The following DAZL variants were observed in gnomAD, a reference collection of about 807,000 sequenced individuals.
DAZL encodes deleted in azoospermia-like.
DAZL carries 4 observed loss-of-function variants against 45.0 expected under a neutral mutation model. The ratio of observed to expected loss-of-function variants is 0.09; its 90% CI spans 0.04 to 0.20. The LOEUF (loss-of-function observed/expected upper bound fraction) is 0.20. DAZL is among the 10% of genes least tolerant of loss of function. The probability of loss-of-function intolerance (pLI) is 1.00; values close to 1 mark genes in which losing one functional copy is unlikely to be tolerated. For synonymous variants in DAZL, 122 were observed against 112.4 expected (o/e 1.09, Z -0.54); for missense variants, 326 against 351.3 (o/e 0.93, Z 0.58).
chr3:16,597,428 A>G (rs1694617541), intron 4 of DAZL, 62 bp downstream of exon 4: 1 of 1,070,806 alleles, frequency 9.3e-7, no homozygotes. Context: ...GACTGAGTAT[A>G]TCACTTGACA....
intron 1 of DAZL, among the ~76,000 whole-genome samples, chr3:16,602,725 C>T (rs1331982847): frequency 6.6e-6 from 1 of 152,130 alleles, no homozygotes; most frequent in Non-Finnish European, 1.5e-5. Flanking sequence ...TGACAAAATA[C>T]AGCATTCATT....
At chr3:16,600,065 T>C (rs1185268377) in intron 1 of DAZL, among the ~76,000 whole-genome samples, 1 of 152,196 alleles carries the variant, frequency 6.6e-6, no homozygotes, top group Non-Finnish European at 1.5e-5. Flanking sequence ...TACTTTTAAT[T>C]AAGAACGAAT....
intron 1 of DAZL, 147 bp from the exon 2 acceptor site, chr3:16,598,745 T>C (rs1019417201): frequency 4.0e-6 from 4 of 1,007,526 alleles, no homozygotes; most frequent in African/African-American, 3.4e-5. Context: ...TTTAAACTTA[T>C]CAGAGTAGAT....
At chr3:16,590,692 A>G (rs1389468233) in intron 10 of DAZL, among the ~76,000 whole-genome samples, 1 of 152,232 alleles carries the variant, frequency 6.6e-6, no homozygotes, top group Non-Finnish European at 1.5e-5. Flanking sequence ...AAAAGAAATG[A>G]AGTTCTGATA....
chr3:16,595,864 T>C (rs1187549578), intron 6 of DAZL, among the ~76,000 whole-genome samples: 12 of 151,966 alleles, frequency 7.9e-5, no homozygotes, highest in Admixed American at 7.2e-4. Flanking sequence ...CTGTATATAA[T>C]CCAAAACTGG....
In DAZL at chr3:16,592,074, A is replaced by G. The variant is rs1232282479; in HGVS notation, c.810T>C (p.Val270=). The change falls in exon 10 of 11, where the codon GTT becomes GTC. Residue 270 remains valine (V), a synonymous_variant. Coordinates refer to ENST00000399444, the MANE Select transcript of DAZL (RefSeq NM_001351.4). ...CCTTGAAGTAGTCATCTTGAGTAAC[A>G]ACAGAGTTTCTCAGTCTGTTCTCTG... ...FNPENRLRNS[V]VTQDDYFKDK... 6.2e-7 allele frequency: 1 copy of G among 1,613,694 alleles called. No homozygotes were observed. The highest frequency in any genetic ancestry group is 8.5e-7 in the Non-Finnish European group (1 of 1,179,694).
chr3:16,597,858 GTTCT>G (rs2125046741), intron 3 of DAZL, among the ~76,000 whole-genome samples: 2 of 152,214 alleles, frequency 1.3e-5, no homozygotes, highest in East Asian at 1.9e-4. Context: ...GAAGAAAACA[GTTCT>G]TTGAGAAAAC....
At position 16,598,503 on chromosome 3, in the gene DAZL, T is replaced by C. The variant is rs2125047048; in HGVS notation, c.99A>G (p.Pro33=). The C allele has an allele frequency of 1.9e-6, 3 of 1,609,118 alleles. No individual in the cohort carries two copies. The highest frequency in any genetic ancestry group is 1.7e-6 in the Non-Finnish European group (2 of 1,178,974). The part of the protein sequence containing the change: ...SAATSQGYIL[P]EGKIMPNTVF... Reference sequence around the variant, plus strand: ...CAGTGTTTGGCATGATTTTGCCTTCTGGTAAAATATAGCCTTGGCTGGTTG... The same window carrying C: ...CAGTGTTTGGCATGATTTTGCCTTCCGGTAAAATATAGCCTTGGCTGGTTG... The change falls in exon 2 of 11, where the codon CCA becomes CCG. Residue 33 remains proline, a synonymous_variant. Transcript: ENST00000399444.
At chr3:16,588,740 A>G in intron 10 of DAZL, 27 bp from the exon 11 acceptor site, 1 of 1,597,502 alleles carries the variant, frequency 6.3e-7, no homozygotes, top group South Asian at 1.1e-5. Context: ...GAGTCCTTTT[A>G]CTTTACTGAA....
Position 16,596,816 on chromosome 3 carries a change from A to T in DAZL, c.432T>A (p.Thr144=), listed in dbSNP as rs766644160. 12 of 1,613,786 alleles carry T rather than the reference A, an allele frequency of 7.4e-6. No homozygotes were observed. The East Asian group carries it at 2.5e-4, about 33-fold the overall frequency. ...PPPPQFQNVW[T]NPNTETYMQP... ...GCATATAAGTTTCAGTGTTTGGATT[A>T]GTCCAGACATTCTGAAACTGTGGTG... The change falls in exon 6 of 11, where the codon ACT becomes ACA. Residue 144 remains threonine (T), a synonymous_variant. Coordinates refer to ENST00000399444, the MANE Select transcript of DAZL (RefSeq NM_001351.4).
chr3:16,605,047 C>T (rs1694757394), intron 1 of DAZL, among the ~76,000 whole-genome samples, 156 bp downstream of exon 1: 2 of 152,240 alleles, frequency 1.3e-5, no homozygotes, highest in South Asian at 4.1e-4. Context: ...GGCCGCCTCT[C>T]CCAACTCTGT....
At chr3:16,589,689 T>TTCG (rs1361098983) in intron 10 of DAZL, among the ~76,000 whole-genome samples, 1 of 152,136 alleles carries the variant, frequency 6.6e-6, no homozygotes, top group Non-Finnish European at 1.5e-5. Context: ...CAACTTCTGA[T>TTCG]TCGTCTCCCA....
Position 16,592,030 on chromosome 3 carries a change from C to A in DAZL, c.834+20G>T. 6.2e-7 allele frequency: 1 copy of A among 1,605,124 alleles called. No homozygotes were observed. Among genetic ancestry groups the A allele is most frequent in the Non-Finnish European group, 8.5e-7 (1 of 1,172,320 alleles). ...CTAACAAGTGTGCTTTTTAATTGTGCGTAACTGTTATATTCATACCTTGAA... is the reference window on the plus strand; with the variant it reads ...CTAACAAGTGTGCTTTTTAATTGTGAGTAACTGTTATATTCATACCTTGAA... On this transcript the variant is annotated intron_variant, in intron 10 of 10. Transcript: ENST00000399444.
At chr3:16,593,480 G>C (rs1163797488) in intron 9 of DAZL, among the ~76,000 whole-genome samples, 175 bp downstream of exon 9, 2 of 152,150 alleles carry the variant, frequency 1.3e-5, no homozygotes, top group African/African-American at 2.4e-5. Flanking sequence ...GCCAAGATCT[G>C]CTTTCTGTAT....
At chr3:16,596,716 A>G (rs1372612951) in intron 6 of DAZL, 34 bp downstream of exon 6, 2 of 1,610,358 alleles carry the variant, frequency 1.2e-6, no homozygotes, top group Admixed American at 3.3e-5. Flanking sequence ...TGACTACAAT[A>G]AACAAGAGAA....
intron 8 of DAZL, 143 bp from the exon 9 acceptor site, chr3:16,593,911 T>C: frequency 1.7e-6 from 1 of 590,592 alleles, no homozygotes. Context: ...AAAAACTTTG[T>C]TTTAAATGAA....
chr3:16,602,560 C>T (rs1694708196), intron 1 of DAZL, among the ~76,000 whole-genome samples: 1 of 152,134 alleles, frequency 6.6e-6, no homozygotes, highest in Admixed American at 6.6e-5. Context: ...ACAAAGCTAA[C>T]AGCATATAAG....
chr3:16,587,063 A>G lies in DAZL; in HGVS notation c.*1597T>C, dbSNP rs1694448363. 6.6e-6 allele frequency: 1 copy of G among 152,168 alleles called. No individual in the cohort carries two copies. The highest frequency in any genetic ancestry group is 1.5e-5 in the Non-Finnish European group (1 of 68,014). The allele number at this position is 152,168 out of a possible 1,614,324, so 9.4% of individuals were successfully genotyped here. ...GCTGGAGATTTAATCACAGAATGAT[A>G]TGTGTCAGAATGTTATAGCACCAAA... is the stretch of plus-strand genomic sequence containing the variant. On this transcript the variant is annotated 3_prime_UTR_variant, in exon 11 of 11. Coordinates refer to ENST00000399444, the MANE Select transcript of DAZL (RefSeq NM_001351.4).
At chr3:16,602,758 G>A (rs988069197) in intron 1 of DAZL, among the ~76,000 whole-genome samples, 4 of 152,094 alleles carry the variant, frequency 2.6e-5, no homozygotes, top group African/African-American at 9.7e-5. Context: ...AAATATCCAA[G>A]TAAAACAGAA....
Sources: gnomAD v4.1 joint callset for allele counts (sites outside exome capture counted in the v4.1 genomes callset) on GRCh38, gnomAD v4.1.1 for gene constraint, MANE v1.5 for transcripts, NCBI Gene and HGNC (gene_info 2026-07-23, HGNC 2026-07-21) for gene names.